The following GNAT1 variants were observed in gnomAD, a reference collection of about 807,000 sequenced individuals.
GNAT1 encodes the protein guanine nucleotide-binding protein G(t) subunit alpha-1.
In GNAT1, 36 loss-of-function variants were observed where a neutral mutation model predicts 40.0. The ratio of observed to expected loss-of-function variants is 0.90; its 90% CI spans 0.69 to 1.19. The LOEUF (loss-of-function observed/expected upper bound fraction) is 1.19. Ranked by LOEUF, GNAT1 falls within the 50% of genes most tolerant of loss-of-function variation. The probability of loss-of-function intolerance (pLI) is 0.00; values close to 1 mark genes in which losing one functional copy is unlikely to be tolerated. For missense variants in GNAT1, 413 were observed against 480.6 expected, an observed-to-expected ratio of 0.86 and a Z score of 1.32; for synonymous variants, 195 against 192.9, an observed-to-expected ratio of 1.01 and a Z score of -0.09.
At chr3:50,195,106 A>G in intron 8 of GNAT1, 150 bp downstream of exon 8, 2 of 643,214 alleles carry the variant, frequency 3.1e-6, no homozygotes, top group South Asian at 1.6e-5. Flanking sequence ...CACCCCACCG[A>G]CAGAGGCCCC....
intron 1 of GNAT1, 58 bp downstream of exon 1, chr3:50,191,889 C>T (rs374489820): frequency 1.5e-5 from 16 of 1,097,520 alleles, no homozygotes; most frequent in South Asian, 1.1e-4. Flanking sequence ...TGGAGGCAGG[C>T]AGGCAGCCCT....
Position 50,194,612 on chromosome 3 carries a change from A to G in GNAT1, c.820A>G (p.Ile274Val). The G allele has an allele frequency of 6.2e-7, 1 of 1,613,630 alleles. No individual in the cohort carries two copies. The highest frequency in any genetic ancestry group is 8.5e-7 in the Non-Finnish European group (1 of 1,179,748). ...CAAGAAGGACGTCTTCTTCGAGAAG[A>G]TCAAGAAGGCGCACCTCAGCATCTG... ...LNKKDVFFEK[I>V]KKAHLSICFP... Residue 274 changes from isoleucine to valine, a missense_variant, in exon 7 of 9, where the codon ATC becomes GTC. Ile to Val is a conservative substitution (Grantham distance 29). Transcript: ENST00000232461. This position sits in a 1 kb window ranked among gnomAD's most constrained non-coding sequence, Gnocchi z 6.1.
At position 50,193,877 on chromosome 3, in the gene GNAT1, T is replaced by C. The variant is rs1042087188; in HGVS notation, c.574T>C (p.Phe192Leu). The C allele has an allele frequency of 1.4e-5, 22 of 1,613,290 alleles. No individual in the cohort carries two copies. The highest frequency in any genetic ancestry group is 1.6e-4 in the Middle Eastern group (1 of 6,062). Residue 192 changes from phenylalanine (F) to leucine (L), a missense_variant, in exon 5 of 9, where the codon TTC becomes CTC. Phe to Leu is a conservative substitution (Grantham distance 22). Transcript: ENST00000232461. This position sits in a 1 kb window ranked among gnomAD's most constrained non-coding sequence, Gnocchi z 8.1. Reference sequence around the variant, plus strand: ...GCAGTTCTCCTTCAAGGATCTCAACTTCCGGTACGACCCATACGCTAGCCC... The same window carrying C: ...GCAGTTCTCCTTCAAGGATCTCAACCTCCGGTACGACCCATACGCTAGCCC... ...ETQFSFKDLN[F>L]RMFDVGGQRS... is the part of the protein sequence containing the mutation.
At position 50,197,186 on chromosome 3, in the gene GNAT1, T is replaced by C. The variant is rs1699515366; in HGVS notation, c.*1920T>C. Among the ~76,000 whole-genome samples the C allele has an allele frequency of 6.6e-6, 1 of 151,820 alleles. No homozygotes were observed. The highest frequency in any genetic ancestry group is 1.5e-5 in the Non-Finnish European group (1 of 67,782). On this transcript the variant is annotated 3_prime_UTR_variant, in exon 9 of 9. Coordinates refer to ENST00000232461, the MANE Select transcript of GNAT1 (RefSeq NM_144499.3). ...AAAGGGAAAACTATTTGTTGCTATATGTTTGTAGGGATTTTTTGCCAGTTT... is the reference window on the plus strand; with the variant it reads ...AAAGGGAAAACTATTTGTTGCTATACGTTTGTAGGGATTTTTTGCCAGTTT...
Position 50,196,276 on chromosome 3 carries a change from C to T in GNAT1, c.*1010C>T, listed in dbSNP as rs1189536824. The T allele has an allele frequency of 6.6e-6, 1 of 152,358 alleles. No homozygotes were observed. The highest frequency in any genetic ancestry group is 2.4e-5 in the African/African-American group (1 of 41,466). 9.4% of individuals were successfully genotyped at this position (152,358 alleles called of 1,614,324 possible). A position where few individuals can be genotyped will look rare whatever the true frequency, so the allele number is the denominator to read the frequency against. On this transcript the variant is annotated 3_prime_UTR_variant, in exon 9 of 9. Transcript: ENST00000232461. ...TACCAGCAGCTTCTCTTGCCCCTTC[C>T]ATTCAGGGTTCCCTGGCAGGGGAAG...
rs755915594 is a variant in GNAT1 at position 50,194,716 on chromosome 3, C to T, written c.863-49C>T. The T allele has an allele frequency of 4.3e-5, 70 of 1,609,972 alleles. No homozygotes were observed. Among genetic ancestry groups the T allele is most frequent in the Middle Eastern group, 1.6e-4 (1 of 6,076 alleles). ...CCCCACGATCGCGGCGCGCACCCCC[C>T]GCACGGGGAAGGAAGGGCTGAGCAG... On this transcript the variant is annotated intron_variant, in intron 7 of 8. Coordinates refer to ENST00000232461, the MANE Select transcript of GNAT1 (RefSeq NM_144499.3). This position sits in a 1 kb window ranked among gnomAD's most constrained non-coding sequence, Gnocchi z 6.1.
chr3:50,192,397 G>A lies in GNAT1; in HGVS notation c.106+566G>A, dbSNP rs371900000. On this transcript the variant is annotated intron_variant, in intron 1 of 8. Coordinates refer to ENST00000232461, the MANE Select transcript of GNAT1 (RefSeq NM_144499.3). ...AGGCCCAGTGGGAGTAGATAAAGCCGCGTCCACTGGACCATGGGCACTGAG... is the reference window on the plus strand; with the variant it reads ...AGGCCCAGTGGGAGTAGATAAAGCCACGTCCACTGGACCATGGGCACTGAG... Among the ~76,000 whole-genome samples, 11 of 152,254 alleles carry A rather than the reference G, an allele frequency of 7.2e-5. No individual in the cohort carries two copies. In the East Asian group the frequency reaches 1.5e-3, roughly 21 times the overall value.
chr3:50,194,708 G>A lies in GNAT1; in HGVS notation c.862+54G>A. On this transcript the variant is annotated intron_variant, in intron 7 of 8. Coordinates refer to ENST00000232461, the MANE Select transcript of GNAT1 (RefSeq NM_144499.3). The surrounding 1 kb of genome is among the most constrained non-coding windows in gnomAD (Gnocchi z 6.1). The stretch of plus-strand genomic sequence containing the variant: ...CGCCCCCGCCCCACGATCGCGGCGC[G>A]CACCCCCCGCACGGGGAAGGAAGGG... The A allele has an allele frequency of 6.2e-7, 1 of 1,605,980 alleles. No individual in the cohort carries two copies. Among genetic ancestry groups the A allele is most frequent in the Non-Finnish European group, 8.5e-7 (1 of 1,174,296 alleles).
In GNAT1 at chr3:50,194,291, G is replaced by A. The variant is rs1424064278; in HGVS notation, c.708+70G>A. ...CTGCTGGTCCCTGGAGGCGGAGACC[G>A]CGCGCTGGGCTGGGGGAGGGCACGG... On this transcript the variant is annotated intron_variant, in intron 6 of 8. Transcript: ENST00000232461. The surrounding 1 kb of genome is among the most constrained non-coding windows in gnomAD (Gnocchi z 6.1). The A allele has an allele frequency of 1.3e-6, 2 of 1,529,118 alleles. No individual in the cohort carries two copies. Among genetic ancestry groups the A allele is most frequent in the South Asian group, 1.2e-5 (1 of 83,506 alleles). The allele number at this position is 1,529,118 out of a possible 1,614,324, so 94.7% of individuals were successfully genotyped here. A position where few individuals can be genotyped will look rare whatever the true frequency, so the allele number is the denominator to read the frequency against.
rs1285479371 is a variant in GNAT1, at chr3:50,196,190, G to A, written c.*924G>A. ...TCAGGATAGGACAAAGGCCCTGGCT[G>A]TGCCCAAAAGGGTCTACCTCAGGTG... On this transcript the variant is annotated 3_prime_UTR_variant, in exon 9 of 9. Transcript: ENST00000232461. 5 of 152,296 alleles carry A rather than the reference G, an allele frequency of 3.3e-5. No homozygotes were observed. Among genetic ancestry groups the A allele is most frequent in the Non-Finnish European group, 7.3e-5 (5 of 68,092 alleles). 9.4% of individuals were successfully genotyped at this position (152,296 alleles called of 1,614,324 possible). A position where few individuals can be genotyped will look rare whatever the true frequency, so the allele number is the denominator to read the frequency against.
At position 50,193,455 on chromosome 3, in the gene GNAT1, G is replaced by A; in HGVS notation, c.291+49G>A. ...GGGCCTCTGGGGACTCGAGGCTCGC[G>A]GCTGGGCCCGAGTCCCTGGCCGCCA... On this transcript the variant is annotated intron_variant, in intron 3 of 8. Transcript: ENST00000232461. This position sits in a 1 kb window ranked among gnomAD's most constrained non-coding sequence, Gnocchi z 8.1. 2 of 1,608,754 alleles carry A rather than the reference G, an allele frequency of 1.2e-6. No homozygotes were observed. The highest frequency in any genetic ancestry group is 2.2e-5 in the East Asian group (1 of 44,574).
chr3:50,193,207 G>C lies in GNAT1; in HGVS notation c.149+32G>C. The C allele has an allele frequency of 1.9e-6, 3 of 1,614,024 alleles. No homozygotes were observed. The highest frequency in any genetic ancestry group is 1.7e-6 in the Non-Finnish European group (2 of 1,179,922). On this transcript the variant is annotated intron_variant, in intron 2 of 8. Coordinates refer to ENST00000232461, the MANE Select transcript of GNAT1 (RefSeq NM_144499.3). The surrounding 1 kb of genome is among the most constrained non-coding windows in gnomAD (Gnocchi z 8.1). ...GCCCCTGCCTGTCCCGAGGCCCCTG[G>C]GTCTGGGTCCTTCCCCACTTCCCCA...
In GNAT1 at chr3:50,193,780, A is replaced by G. The variant is rs1699458187; in HGVS notation, c.477A>G (p.Val159=). The change falls in exon 5 of 9, where the codon GTA becomes GTG. Residue 159 remains valine, a synonymous_variant. Transcript: ENST00000232461. This position sits in a 1 kb window ranked among gnomAD's most constrained non-coding sequence, Gnocchi z 8.1. ...ACCTCTCCGACCTGGAGCGCCTGGT[A>G]ACCCCGGGCTACGTGCCCACCGAGC... ...GYYLSDLERL[V]TPGYVPTEQD... The G allele has an allele frequency of 3.1e-6, 5 of 1,612,258 alleles. No homozygotes were observed. Among genetic ancestry groups the G allele is most frequent in the Admixed American group, 1.7e-5 (1 of 59,964 alleles).
In GNAT1 at chr3:50,197,318, C is replaced by T. The variant is rs1282284035; in HGVS notation, c.*2052C>T. Among the ~76,000 whole-genome samples the T allele has an allele frequency of 6.6e-6, 1 of 152,180 alleles. No homozygotes were observed. Among genetic ancestry groups the T allele is most frequent in the Non-Finnish European group, 1.5e-5 (1 of 68,038 alleles). On this transcript the variant is annotated 3_prime_UTR_variant, in exon 9 of 9. Transcript: ENST00000232461. Reference sequence around the variant, plus strand: ...TTGTACAACCACCGCAACTGTTCATCTCCAGAACTCCTTTCCTCTTGTAAA... The same window carrying T: ...TTGTACAACCACCGCAACTGTTCATTTCCAGAACTCCTTTCCTCTTGTAAA...
rs960398499 is a variant in GNAT1, at chr3:50,194,096, T to G, written c.583T>G (p.Phe195Val). ...CAGGCCCCCGCGGCCCCGCAGGATG[T>G]TCGATGTGGGCGGGCAGCGCTCGGA... ...FSFKDLNFRM[F>V]DVGGQRSERK... The change falls in exon 6 of 9, where the codon TTC becomes GTC. Residue 195 changes from phenylalanine (F) to valine (V), a missense_variant. Coordinates refer to ENST00000232461, the MANE Select transcript of GNAT1 (RefSeq NM_144499.3). The surrounding 1 kb of genome is among the most constrained non-coding windows in gnomAD (Gnocchi z 6.1). 17 of 1,613,506 alleles carry G rather than the reference T, an allele frequency of 1.1e-5. No homozygotes were observed. Among genetic ancestry groups the G allele is most frequent in the Non-Finnish European group, 1.4e-5 (17 of 1,179,680 alleles).
Position 50,194,829 on chromosome 3 carries a change from G to T in GNAT1, c.927G>T (p.Arg309=), listed in dbSNP as rs1699478278. 6.2e-7 allele frequency: 1 copy of T among 1,613,822 alleles called. No homozygotes were observed. Among genetic ancestry groups the T allele is most frequent in the Non-Finnish European group, 8.5e-7 (1 of 1,180,010 alleles). The change falls in exon 8 of 9, where the codon CGG becomes CGT. Residue 309 remains arginine, a synonymous_variant. Coordinates refer to ENST00000232461, the MANE Select transcript of GNAT1 (RefSeq NM_144499.3). The surrounding 1 kb of genome is among the most constrained non-coding windows in gnomAD (Gnocchi z 6.1). ...IKVQFLELNM[R]RDVKEIYSHM... is the part of the protein sequence containing the mutation. ...TGCAGTTCCTCGAGCTCAACATGCG[G>T]CGCGACGTGAAGGAGATCTATTCCC...
Position 50,193,845 on chromosome 3 carries a change from T to C in GNAT1, c.542T>C (p.Ile181Thr). ...LRSRVKTTGIIETQFSFKDLN... is the reference protein window; with the variant it reads ...LRSRVKTTGITETQFSFKDLN... ...TCGCGAGTCAAGACCACTGGCATCA[T>C]CGAGACGCAGTTCTCCTTCAAGGAT... Residue 181 changes from isoleucine to threonine, a missense_variant, in exon 5 of 9, where the codon ATC becomes ACC. Transcript: ENST00000232461. This position sits in a 1 kb window ranked among gnomAD's most constrained non-coding sequence, Gnocchi z 8.1. The C allele has an allele frequency of 6.2e-7, 1 of 1,613,168 alleles. No individual in the cohort carries two copies. Among genetic ancestry groups the C allele is most frequent in the South Asian group, 1.1e-5 (1 of 91,084 alleles).
At position 50,193,677 on chromosome 3, in the gene GNAT1, C is replaced by T. The variant is rs776480792; in HGVS notation, c.449+14C>T. On this transcript the variant is annotated intron_variant, in intron 4 of 8. Coordinates refer to ENST00000232461, the MANE Select transcript of GNAT1 (RefSeq NM_144499.3). This position sits in a 1 kb window ranked among gnomAD's most constrained non-coding sequence, Gnocchi z 8.1. Reference sequence around the variant, plus strand: ...CTCGGCGGGCTAGTGAGCGCGCGGGCAGCGCGGGGCGCGGGGCGCGGGGCG... The same window carrying T: ...CTCGGCGGGCTAGTGAGCGCGCGGGTAGCGCGGGGCGCGGGGCGCGGGGCG... 15 of 1,609,196 alleles carry T rather than the reference C, an allele frequency of 9.3e-6. No individual in the cohort carries two copies. The highest frequency in any genetic ancestry group is 1.2e-5 in the Non-Finnish European group (14 of 1,178,362).
rs11919418 is a variant in GNAT1 at position 50,195,782 on chromosome 3, T to G, written c.*516T>G. 0.4 allele frequency: 61,399 copies of G among 152,982 alleles called. 14,874 individuals carry two copies. The highest frequency in any genetic ancestry group is 0.67 in the African/African-American group (27,807 of 41,500). The allele number at this position is 152,982 out of a possible 1,614,324, so 9.5% of individuals were successfully genotyped here. On this transcript the variant is annotated 3_prime_UTR_variant, in exon 9 of 9. Coordinates refer to ENST00000232461, the MANE Select transcript of GNAT1 (RefSeq NM_144499.3). ...CACCTGTCTACCCAGAGCCAGTGAC[T>G]GTCCCTCCCAGCAGCCTCCAAAGGG...
Sources: allele counts gnomAD v4.1 joint callset (sites outside exome capture counted in the v4.1 genomes callset), GRCh38; gene constraint gnomAD v4.1.1; non-coding constraint Gnocchi (gnomAD v3.1); transcripts MANE v1.5; gene names NCBI Gene and HGNC (gene_info 2026-07-23, HGNC 2026-07-21).